LAMTOR3: variants seen among roughly 807,000 people sequenced by gnomAD.
LAMTOR3 encodes the protein ragulator complex protein LAMTOR3.
In LAMTOR3, 14 loss-of-function variants were observed where a neutral mutation model predicts 20.3. That is an observed-to-expected ratio of 0.69 (90% CI 0.46 to 1.08). The LOEUF is 1.08. Ranked by LOEUF, LAMTOR3 falls within the 50% of genes least tolerant of loss-of-function variation. The pLI is 0.00. For synonymous variants in LAMTOR3, 40 were observed against 49.4 expected, an observed-to-expected ratio of 0.81 and a Z score of 0.80; for missense variants, 125 against 143.7, an observed-to-expected ratio of 0.87 and a Z score of 0.67.
At chr4:99,883,208 T>G (rs1039433800) in intron 6 of LAMTOR3, among the ~76,000 whole-genome samples, 2 of 151,986 alleles carry the variant, frequency 1.3e-5, no homozygotes, top group Non-Finnish European at 2.9e-5. Flanking sequence ...TAAAATGTTT[T>G]GAAATGGAAG....
intron 6 of LAMTOR3, among the ~76,000 whole-genome samples, chr4:99,883,605 T>C (rs1009839420): frequency 3.9e-5 from 6 of 152,014 alleles, no homozygotes; most frequent in Non-Finnish European, 5.9e-5. Context: ...AAATTCTCAA[T>C]CACATTCATT....
chr4:99,893,219 G>A (rs936709506), intron 2 of LAMTOR3, among the ~76,000 whole-genome samples: 1 of 151,934 alleles, frequency 6.6e-6, no homozygotes, highest in African/African-American at 2.4e-5. Flanking sequence ...TTGCTATGTT[G>A]CCCAGGCTGA....
chr4:99,885,643 G>A lies in LAMTOR3; in HGVS notation c.136C>T (p.Arg46Ter), dbSNP rs962384800. ...GCAAAAGTGGATAAGAAACCAGGTC[G>A]CAAAGCATGCTCTGGAGCATTGTCA... is the stretch of plus-strand genomic sequence containing the variant. ...ANDNAPEHAL[R>*]PGFLSTFALA... Residue 46 changes from arginine to a stop codon, truncating the protein, a stop_gained, in exon 5 of 7, where the codon CGA becomes TGA. Coordinates refer to ENST00000499666, the MANE Select transcript of LAMTOR3 (RefSeq NM_021970.4). LOFTEE classifies it high-confidence loss of function. 6 of 1,612,780 alleles carry A rather than the reference G, an allele frequency of 3.7e-6. No individual in the cohort carries two copies. The highest frequency in any genetic ancestry group is 1.3e-5 in the African/African-American group (1 of 74,826).
intron 4 of LAMTOR3, among the ~76,000 whole-genome samples, chr4:99,886,881 T>C (rs1724935112): frequency 6.9e-6 from 1 of 145,826 alleles, no homozygotes; most frequent in Non-Finnish European, 1.5e-5. Context: ...GGTATTATCC[T>C]AAAACAACTA....
chr4:99,892,174 T>C (rs1725033852), intron 2 of LAMTOR3, 140 bp from the exon 3 acceptor site: 6 of 1,376,460 alleles, frequency 4.4e-6, no homozygotes, highest in Non-Finnish European at 5.7e-6. Context: ...CTGTCTGATT[T>C]GGATGTTTAC....
chr4:99,881,149 T>G lies in LAMTOR3; in HGVS notation c.*845A>C, dbSNP rs528012345. 6.6e-6 allele frequency: 1 copy of G among 152,244 alleles called. No homozygotes were observed. Among genetic ancestry groups the G allele is most frequent in the Non-Finnish European group, 1.5e-5 (1 of 68,044 alleles). The allele number at this position is 152,244 out of a possible 1,614,324, so 9.4% of individuals were successfully genotyped here. A position where few individuals can be genotyped will look rare whatever the true frequency, so the allele number is the denominator to read the frequency against. ...TGTGGCTGAAAGAGTATATTAATTATGTTTAGATTTTTGGAAAAAGTCTGA... is the reference window on the plus strand; with the variant it reads ...TGTGGCTGAAAGAGTATATTAATTAGGTTTAGATTTTTGGAAAAAGTCTGA... On this transcript the variant is annotated 3_prime_UTR_variant, in exon 7 of 7. Transcript: ENST00000499666.
intron 3 of LAMTOR3, among the ~76,000 whole-genome samples, chr4:99,891,063 C>T (rs1293354533): frequency 2.0e-5 from 3 of 152,118 alleles, no homozygotes; most frequent in Non-Finnish European, 4.4e-5. Context: ...TCTTTCTGGT[C>T]GGTTTATAAC....
In LAMTOR3 at chr4:99,880,812, C is replaced by G. The variant is rs971367657; in HGVS notation, c.*1182G>C. 6.6e-6 allele frequency: 1 copy of G among 152,206 alleles called. No homozygotes were observed. The highest frequency in any genetic ancestry group is 2.1e-4 in the South Asian group (1 of 4,828). 9.4% of individuals were successfully genotyped at this position (152,206 alleles called of 1,614,324 possible). ...CTCAATGCATATGTACTGAACTGAT[C>G]CAGGGAAAAACTGATTGTCAAAGAG... On this transcript the variant is annotated 3_prime_UTR_variant, in exon 7 of 7. Transcript: ENST00000499666.
intron 6 of LAMTOR3, among the ~76,000 whole-genome samples, chr4:99,883,051 A>G (rs1367861396): frequency 6.6e-6 from 1 of 152,084 alleles, no homozygotes; most frequent in Non-Finnish European, 1.5e-5. Context: ...ATCATAGTAT[A>G]TAACAACTGG....
intron 5 of LAMTOR3, among the ~76,000 whole-genome samples, chr4:99,885,319 C>T (rs1354292841): frequency 6.6e-6 from 1 of 152,082 alleles, no homozygotes; most frequent in African/African-American, 2.4e-5. Context: ...ATAACATGTA[C>T]TTTATTAAAT....
Position 99,881,988 on chromosome 4 carries a change from G to C in LAMTOR3, c.*6C>G. 1 of 1,589,838 alleles carries C rather than the reference G, an allele frequency of 6.3e-7. No individual in the cohort carries two copies. The highest frequency in any genetic ancestry group is 8.6e-7 in the Non-Finnish European group (1 of 1,161,524). On this transcript the variant is annotated 3_prime_UTR_variant, in exon 7 of 7. Coordinates refer to ENST00000499666, the MANE Select transcript of LAMTOR3 (RefSeq NM_021970.4). ...AGATAAGGTACACACTGAAACCACT[G>C]TCAGATTAAGAAACTTCCACAACTT...
chr4:99,887,170 C>A, intron 4 of LAMTOR3, 126 bp downstream of exon 4: 1 of 533,890 alleles, frequency 1.9e-6, no homozygotes, highest in South Asian at 2.7e-5. Flanking sequence ...TTCCCCAATA[C>A]TAAGACCATC....
At chr4:99,893,776 C>T (rs2110184648) in intron 2 of LAMTOR3, among the ~76,000 whole-genome samples, 179 bp downstream of exon 2, 1 of 152,216 alleles carries the variant, frequency 6.6e-6, no homozygotes, top group Middle Eastern at 3.4e-3. Flanking sequence ...ACTCAGGATC[C>T]TGCAAATTCA....
intron 3 of LAMTOR3, among the ~76,000 whole-genome samples, chr4:99,888,902 C>A (rs919013018): frequency 1.3e-5 from 2 of 152,056 alleles, no homozygotes; most frequent in African/African-American, 4.8e-5. Context: ...AAATATATCT[C>A]TAAGATTAAT....
chr4:99,887,181 T>C, intron 4 of LAMTOR3, 115 bp downstream of exon 4: 1 of 580,480 alleles, frequency 1.7e-6, no homozygotes, highest in Non-Finnish European at 2.9e-6. Flanking sequence ...TAAGACCATC[T>C]CCCAAATTTA....
intron 2 of LAMTOR3, among the ~76,000 whole-genome samples, chr4:99,893,514 T>C (rs984516722): frequency 5.3e-5 from 8 of 152,112 alleles, no homozygotes; most frequent in African/African-American, 1.9e-4. Context: ...TAAAGAGGCA[T>C]GGGTTAGAAA....
Position 99,881,695 on chromosome 4 carries a change from C to A in LAMTOR3, c.*299G>T. The A allele has an allele frequency of 3.4e-6, 1 of 290,020 alleles. No individual in the cohort carries two copies. Among genetic ancestry groups the A allele is most frequent in the South Asian group, 6.8e-5 (1 of 14,742 alleles). 18.0% of individuals were successfully genotyped at this position (290,020 alleles called of 1,614,324 possible). On this transcript the variant is annotated 3_prime_UTR_variant, in exon 7 of 7. Coordinates refer to ENST00000499666, the MANE Select transcript of LAMTOR3 (RefSeq NM_021970.4). The stretch of plus-strand genomic sequence containing the variant: ...TCAATGTACCAGTTTGATTCTGATC[C>A]ACTGAATAGAATCTCTCATCCATAT...
At position 99,879,752 on chromosome 4, in the gene LAMTOR3, G is replaced by C. The variant is rs2110177404; in HGVS notation, c.*2242C>G. The stretch of plus-strand genomic sequence containing the variant: ...GTATAGCCTACTACTACACACCTAG[G>C]CTATATGGTATAGCCTACTACTACA... On this transcript the variant is annotated 3_prime_UTR_variant, in exon 7 of 7. Coordinates refer to ENST00000499666, the MANE Select transcript of LAMTOR3 (RefSeq NM_021970.4). 6.6e-6 allele frequency: 1 copy of C among 151,854 alleles called. No individual in the cohort carries two copies. Among genetic ancestry groups the C allele is most frequent in the South Asian group, 2.1e-4 (1 of 4,816 alleles). The allele number at this position is 151,854 out of a possible 1,614,324, so 9.4% of individuals were successfully genotyped here. A position where few individuals can be genotyped will look rare whatever the true frequency, so the allele number is the denominator to read the frequency against.
rs774411893 is a variant in LAMTOR3 at position 99,884,067 on chromosome 4, T to C, written c.296A>G (p.Asn99Ser). The C allele has an allele frequency of 1.9e-6, 3 of 1,606,788 alleles. No homozygotes were observed. The highest frequency in any genetic ancestry group is 1.7e-5 in the Admixed American group (1 of 60,000). Residue 99 changes from asparagine (N) to serine (S), a missense_variant, in exon 6 of 7, where the codon AAT becomes AGT. Physicochemically the swap from Asn to Ser is conservative, Grantham distance 46. Around this residue, in one of 3 missense-constraint regions of LAMTOR3, gnomAD observed 22 missense variants for 31.2 expected, o/e 0.70. Transcript: ENST00000499666. ...VVSFIASSSA[N>S]TGLIVSLEKE... ...TTTAAGGTCATTAAACACACCTGTATTGGCACTGCTGCTGGCTATGAAACT... is the reference window on the plus strand; with the variant it reads ...TTTAAGGTCATTAAACACACCTGTACTGGCACTGCTGCTGGCTATGAAACT...
Sources: gnomAD v4.1 joint callset for allele counts (sites outside exome capture counted in the v4.1 genomes callset) on GRCh38, gnomAD v4.1.1 for gene constraint, gnomAD v4.1.1 regional missense constraint, MANE v1.5 for transcripts, NCBI Gene and HGNC (gene_info 2026-07-23, HGNC 2026-07-21) for gene names.